PRR14L: variants seen among roughly 807,000 people sequenced by gnomAD.
The protein encoded by PRR14L is protein PRR14L.
A neutral mutation model predicts 155.0 loss-of-function variants in PRR14L; 80 were observed. The observed-to-expected ratio is 0.52, with a 90% CI of 0.43 to 0.62. The LOEUF (loss-of-function observed/expected upper bound fraction) is 0.62, where lower values mean the gene tolerates loss of function less well. Among genes scored for constraint, PRR14L ranks in the 20% least tolerant of loss-of-function variants. PRR14L has a pLI of 0.00. For synonymous variants in PRR14L, 883 were observed against 916.0 expected (o/e 0.96, Z 0.65); for missense variants, 2,469 against 2,548.0 (o/e 0.97, Z 0.67).
Position 31,716,318 on chromosome 22 carries a change from A to G in PRR14L, c.1521T>C (p.Ser507=). 6.4e-7 allele frequency: 1 copy of G among 1,551,704 alleles called. No individual in the cohort carries two copies. Among genetic ancestry groups the G allele is most frequent in the Non-Finnish European group, 8.7e-7 (1 of 1,146,984 alleles). Residue 507 remains serine (S), a synonymous_variant, in exon 4 of 9, where the codon TCT becomes TCC. Transcript: ENST00000327423. ...TCAAGGAGGAAAAACTGCTTTCTTC[A>G]GAGTGTCCACCAGGATGGCTCATAT... ...FTNMSHPGGH[S]EESSFSSLMQ...
chr22:31,720,927 G>A (rs1187859032), intron 3 of PRR14L, among the ~76,000 whole-genome samples: 3 of 152,140 alleles, frequency 2.0e-5, no homozygotes, highest in East Asian at 1.9e-4. Context: ...ATAATGAGTA[G>A]GAACTAATAT....
Position 31,713,978 on chromosome 22 carries a change from T to C in PRR14L, c.3861A>G (p.Val1287=). Residue 1287 remains valine, a synonymous_variant, in exon 4 of 9, where the codon GTA becomes GTG. Coordinates refer to ENST00000327423, the MANE Select transcript of PRR14L (RefSeq NM_173566.3). ...CTVLPEMKEI[V]SRDWSNSSDR... Reference sequence around the variant, plus strand: ...CACTAGAATTACTCCAATCTCTTGATACTATTTCCTTCATCTCAGGAAGGA... The same window carrying C: ...CACTAGAATTACTCCAATCTCTTGACACTATTTCCTTCATCTCAGGAAGGA... The C allele has an allele frequency of 6.4e-7, 1 of 1,551,712 alleles. No individual in the cohort carries two copies. The highest frequency in any genetic ancestry group is 8.7e-7 in the Non-Finnish European group (1 of 1,146,916).
chr22:31,731,427 G>A (rs1174810074), intron 2 of PRR14L, among the ~76,000 whole-genome samples: 1 of 151,822 alleles, frequency 6.6e-6, no homozygotes, highest in Non-Finnish European at 1.5e-5. Context: ...AGTTAGCCAG[G>A]CCTGGTGGTA....
At chr22:31,738,360 C>T (rs2074794096) in intron 2 of PRR14L, 27 bp downstream of exon 2, 1 of 1,531,698 alleles carries the variant, frequency 6.5e-7, no homozygotes, top group Non-Finnish European at 8.8e-7. Context: ...ACACTCAACT[C>T]TTCGGAATGG....
In PRR14L at chr22:31,716,942, C is replaced by G; in HGVS notation, c.897G>C (p.Leu299Phe). The part of the protein sequence containing the change: ...ISNVDNGKEE[L>F]CKPNLVCEAD... ...CTTCACAGACCAGGTTTGGTTTACA[C>G]AACTCTTCCTTCCCATTGTCCACAT... The change falls in exon 4 of 9, where the codon TTG becomes TTC. Residue 299 changes from leucine to phenylalanine, a missense_variant. Leu to Phe is a conservative substitution (Grantham distance 22). Around this residue, in one of 2 missense-constraint regions of PRR14L, gnomAD observed 2,363 missense variants for 2,371.6 expected, o/e 1.00. Transcript: ENST00000327423. 3 of 1,552,044 alleles carry G rather than the reference C, an allele frequency of 1.9e-6. No homozygotes were observed. The highest frequency in any genetic ancestry group is 2.6e-6 in the Non-Finnish European group (3 of 1,147,074).
At chr22:31,737,409 A>C (rs1272503345) in intron 2 of PRR14L, among the ~76,000 whole-genome samples, 4 of 151,838 alleles carry the variant, frequency 2.6e-5, no homozygotes, top group Non-Finnish European at 5.9e-5. Flanking sequence ...TGAACCTGGG[A>C]GGCAGAGGTT....
rs577117597 is a variant in PRR14L at position 31,722,791 on chromosome 22, C to T, written c.547+2747G>A. 5.3e-5 allele frequency among the ~76,000 whole-genome samples: 8 copies of T among 152,232 alleles called. 1 individual carries two copies. The highest frequency in any genetic ancestry group is 4.1e-4 in the South Asian group (2 of 4,822). On this transcript the variant is annotated intron_variant, in intron 3 of 8. Coordinates refer to ENST00000327423, the MANE Select transcript of PRR14L (RefSeq NM_173566.3). ...TCGTGATCTGCCTGCCTCGGCCTCC[C>T]AAAGTGCTGGGATTACAGGTGTAAG...
In PRR14L at chr22:31,711,256, G is replaced by A. The variant is rs917965944; in HGVS notation, c.5756+827C>T. ...TGGGAGCCAAGGTGAGAGGATCACC[G>A]GACGCCAGGAGTTCAAGACCAGCCT... On this transcript the variant is annotated intron_variant, in intron 4 of 8. Coordinates refer to ENST00000327423, the MANE Select transcript of PRR14L (RefSeq NM_173566.3). Among the ~76,000 whole-genome samples, 3 of 152,170 alleles carry A rather than the reference G, an allele frequency of 2.0e-5. No homozygotes were observed. The South Asian group carries it at 6.2e-4, about 32-fold the overall frequency.
At chr22:31,749,728 G>C (rs574451028) in intron 1 of PRR14L, among the ~76,000 whole-genome samples, 3 of 152,316 alleles carry the variant, frequency 2.0e-5, no homozygotes, top group African/African-American at 7.2e-5. Flanking sequence ...GGGGATCCCT[G>C]TTGTATCGAG....
chr22:31,737,530 G>A (rs2074788830), intron 2 of PRR14L, among the ~76,000 whole-genome samples: 1 of 151,584 alleles, frequency 6.6e-6, no homozygotes, highest in Admixed American at 6.6e-5. Flanking sequence ...GCTCACACCT[G>A]TAATCCCAAC....
chr22:31,740,586 C>T (rs1222491170), intron 1 of PRR14L, among the ~76,000 whole-genome samples: 2 of 151,952 alleles, frequency 1.3e-5, no homozygotes, highest in African/African-American at 4.8e-5. Flanking sequence ...GTCTCCAACT[C>T]CTGAGCTCAA....
Position 31,715,342 on chromosome 22 carries a change from G to A in PRR14L, c.2497C>T (p.His833Tyr), listed in dbSNP as rs1325013629. The A allele has an allele frequency of 6.4e-7, 1 of 1,552,068 alleles. No individual in the cohort carries two copies. Among genetic ancestry groups the A allele is most frequent in the African/African-American group, 1.4e-5 (1 of 73,182 alleles). ...GAGTGTCCTGTTCCTTGGCAGCAGTGATCACGGTGCTGAAATGCATTTTCA... is the reference window on the plus strand; with the variant it reads ...GAGTGTCCTGTTCCTTGGCAGCAGTAATCACGGTGCTGAAATGCATTTTCA... ...KYENAFQHRD[H>Y]CCQGTGHSVE... is the part of the protein sequence containing the mutation. Residue 833 changes from histidine (H) to tyrosine (Y), a missense_variant, in exon 4 of 9, where the codon CAC becomes TAC. Around this residue, in one of 2 missense-constraint regions of PRR14L, gnomAD observed 2,363 missense variants for 2,371.6 expected, o/e 1.00. Transcript: ENST00000327423.
chr22:31,687,174 A>C (rs554923582), intron 8 of PRR14L, among the ~76,000 whole-genome samples: 1 of 151,592 alleles, frequency 6.6e-6, no homozygotes, highest in African/African-American at 2.4e-5. Flanking sequence ...AGTAGCTGGG[A>C]TTACTGGTGT....
At position 31,712,872 on chromosome 22, in the gene PRR14L, TA is replaced by T. The variant is rs2074631648; in HGVS notation, c.4966del (p.Tyr1656IlefsTer15). The T allele has an allele frequency of 6.4e-7, 1 of 1,551,842 alleles. No individual in the cohort carries two copies. Among genetic ancestry groups the T allele is most frequent in the Non-Finnish European group, 8.7e-7 (1 of 1,147,056 alleles). ...TGAAAATCCGTCCAGGAGTCTTTTA[TA>T]TCTGAGGCGCTTGTAGCTTTTAGCC... The part of the protein sequence containing the change: ...PMAKSYKRLR[Y>X]KRLLDGFSSS... On this transcript the variant is annotated frameshift_variant, in exon 4 of 9. Transcript: ENST00000327423. LOFTEE classifies it high-confidence loss of function.
In PRR14L at chr22:31,712,611, G is replaced by C. The variant is rs748058999; in HGVS notation, c.5228C>G (p.Ala1743Gly). ...ESSRTFPEHCAPARLALGEAL... is the reference protein window; with the variant it reads ...ESSRTFPEHCGPARLALGEAL... ...CTCTCCTAAGGCAAGCCTTGCCGGAGCACAGTGCTCAGGAAAAGTCCTTGA... is the reference window on the plus strand; with the variant it reads ...CTCTCCTAAGGCAAGCCTTGCCGGACCACAGTGCTCAGGAAAAGTCCTTGA... The change falls in exon 4 of 9, where the codon GCT (alanine) becomes GGT (glycine). Residue 1743 changes from alanine to glycine, a missense_variant. Coordinates refer to ENST00000327423, the MANE Select transcript of PRR14L (RefSeq NM_173566.3). 1.3e-6 allele frequency: 2 copies of C among 1,551,746 alleles called. No homozygotes were observed. Among genetic ancestry groups the C allele is most frequent in the South Asian group, 1.2e-5 (1 of 84,064 alleles).
intron 7 of PRR14L, among the ~76,000 whole-genome samples, chr22:31,692,540 A>C (rs111995388): frequency 0.033 from 4,964 of 152,264 alleles, 104 homozygotes; most frequent in South Asian, 0.066. Flanking sequence ...TTGTTGAACT[A>C]TAAGAGTTCT....
Position 31,703,660 on chromosome 22 carries a change from T to C in PRR14L, c.5890A>G (p.Ser1964Gly). 6.2e-7 allele frequency: 1 copy of C among 1,612,860 alleles called. No individual in the cohort carries two copies. The highest frequency in any genetic ancestry group is 2.2e-5 in the East Asian group (1 of 44,796). Residue 1964 changes from serine (S) to glycine (G), a missense_variant, in exon 6 of 9, where the codon AGC (serine) becomes GGC (glycine). By Grantham distance (56) the Ser-to-Gly change is moderately conservative. This residue lies in a region of PRR14L where 2,363 missense variants were observed against 2,371.6 expected (regional missense o/e 1.00). Transcript: ENST00000327423. ...KSCLVAESAV[S>G]KLLLSASEFQ... is the part of the protein sequence containing the mutation. ...TCAGAGGCTGAAAGCAGGAGCTTGC[T>C]GACAGCTGATTCTGCTACCAAGCAA... is the stretch of plus-strand genomic sequence containing the variant.
chr22:31,740,677 A>C (rs559610600), intron 1 of PRR14L, among the ~76,000 whole-genome samples: 45 of 152,252 alleles, frequency 3.0e-4, no homozygotes, highest in Non-Finnish European at 5.3e-4. Flanking sequence ...TTCATTCTTG[A>C]TGCTTTCCCT....
intron 4 of PRR14L, among the ~76,000 whole-genome samples, chr22:31,706,327 C>A (rs1248277466): frequency 6.9e-6 from 1 of 144,478 alleles, no homozygotes; most frequent in Non-Finnish European, 1.5e-5. Flanking sequence ...CACACCACTG[C>A]ACTCCAGCCT....
Sources: allele counts gnomAD v4.1 joint callset (sites outside exome capture counted in the v4.1 genomes callset), GRCh38; gene constraint gnomAD v4.1.1; regional missense constraint gnomAD v4.1.1; transcripts MANE v1.5; gene names NCBI Gene and HGNC (gene_info 2026-07-23, HGNC 2026-07-21).